The following WDR59 variants were observed in gnomAD, a reference collection of about 807,000 sequenced individuals.
WDR59 encodes the protein WD repeat domain 59.
In WDR59, 100 loss-of-function variants were observed where a neutral mutation model predicts 131.2. The observed-to-expected ratio is 0.76, with a 90% CI of 0.65 to 0.90. The LOEUF (loss-of-function observed/expected upper bound fraction) is 0.90. Among genes scored for constraint, WDR59 ranks in the 40% least tolerant of loss-of-function variants. The pLI is 0.00. For synonymous variants in WDR59, 601 were observed against 466.2 expected, an observed-to-expected ratio of 1.29 and a Z score of -3.72; for missense variants, 1,203 against 1,262.2, an observed-to-expected ratio of 0.95 and a Z score of 0.71.
intron 8 of WDR59, among the ~76,000 whole-genome samples, chr16:74,925,966 C>A (rs1331427927): frequency 5.9e-5 from 8 of 135,524 alleles, no homozygotes; most frequent in African/African-American, 1.7e-4. Flanking sequence ...GTGTGGGCAA[C>A]AGAGCACGAT....
rs1484782325 is a variant in WDR59 at position 74,886,382 on chromosome 16, C to G, written c.2434G>C (p.Glu812Gln). ...TCTCCCCAAGGGGAGGACAAGTGCTCTGCCTCTCTTCCCGCTGAAGAAAAT... is the reference window on the plus strand; with the variant it reads ...TCTCCCCAAGGGGAGGACAAGTGCTGTGCCTCTCTTCCCGCTGAAGAAAAT... Reference protein sequence around the residue: ...GGWNIAGREAEHLSSPWGESS... With the variant: ...GGWNIAGREAQHLSSPWGESS... Residue 812 changes from glutamate to glutamine, a missense_variant, in exon 24 of 26, where the codon GAG becomes CAG. Glu to Gln is a conservative substitution (Grantham distance 29, BLOSUM62 2). Transcript: ENST00000262144. 6 of 1,613,038 alleles carry G rather than the reference C, an allele frequency of 3.7e-6. No homozygotes were observed. The highest frequency in any genetic ancestry group is 5.1e-6 in the Non-Finnish European group (6 of 1,179,798).
chr16:74,956,641 T>G, intron 2 of WDR59, 31 bp from the exon 3 acceptor site: 2 of 1,602,910 alleles, frequency 1.2e-6, no homozygotes, highest in Non-Finnish European at 1.7e-6. Context: ...TATAATAGTA[T>G]AAAAACACAA....
intron 3 of WDR59, among the ~76,000 whole-genome samples, chr16:74,954,585 G>C (rs2033187829): frequency 6.6e-6 from 1 of 152,120 alleles, no homozygotes. Context: ...GAAATAGTTT[G>C]GTGGTTCCCT....
intron 1 of WDR59, among the ~76,000 whole-genome samples, chr16:74,967,660 A>G (rs1369637589): frequency 6.6e-6 from 1 of 152,106 alleles, no homozygotes; most frequent in Non-Finnish European, 1.5e-5. Context: ...GAAGTTCGAG[A>G]CCAGCCTGGC....
Position 74,901,952 on chromosome 16 carries a change from T to G in WDR59, c.1866+1995A>C, listed in dbSNP as rs78082759. 2.7e-3 allele frequency among the ~76,000 whole-genome samples: 416 copies of G among 152,314 alleles called. 18 individuals carry two copies. In the East Asian group the frequency reaches 0.072, roughly 26 times the overall value. ...TATGTCAAATTCATCACAAAATGAC[T>G]GACTTATTCATTTTTATCTTGTTAA... On this transcript the variant is annotated intron_variant, in intron 18 of 25. Coordinates refer to ENST00000262144, the MANE Select transcript of WDR59 (RefSeq NM_030581.4).
intron 5 of WDR59, 52 bp from the exon 6 acceptor site, chr16:74,948,608 C>A: frequency 6.9e-7 from 1 of 1,450,644 alleles, no homozygotes; most frequent in Non-Finnish European, 9.7e-7. Flanking sequence ...CCACCACCCA[C>A]CTGGTATTTT....
intron 9 of WDR59, among the ~76,000 whole-genome samples, chr16:74,922,855 G>A (rs546170623): frequency 2.6e-4 from 39 of 152,250 alleles, no homozygotes; most frequent in Non-Finnish European, 5.1e-4. Context: ...GCGATCCCAG[G>A]TACAAAACCA....
intron 3 of WDR59, among the ~76,000 whole-genome samples, chr16:74,953,788 T>C (rs1597789570): frequency 6.8e-6 from 1 of 148,112 alleles, no homozygotes; most frequent in African/African-American, 2.5e-5. Flanking sequence ...GATCATGAGG[T>C]GAGGAGATCG....
intron 17 of WDR59, 180 bp downstream of exon 17, chr16:74,908,728 A>G (rs759315468): frequency 2.1e-4 from 121 of 564,410 alleles, no homozygotes; most frequent in Non-Finnish European, 3.4e-4. Flanking sequence ...ACCATACAGC[A>G]GAAATCACAG....
intron 1 of WDR59, among the ~76,000 whole-genome samples, chr16:74,980,123 T>C (rs2034344042): frequency 6.6e-6 from 1 of 151,574 alleles, no homozygotes; most frequent in Non-Finnish European, 1.5e-5. Context: ...CCTCCCAAAG[T>C]GCTGGAGTTA....
intron 18 of WDR59, chr16:74,899,759 G>A (rs1291450700): frequency 7.8e-7 from 1 of 1,289,118 alleles, no homozygotes; most frequent in South Asian, 1.2e-5. Flanking sequence ...AGACATCTGT[G>A]CATGAAAACG....
At chr16:74,899,842 C>T in intron 18 of WDR59, 3 of 976,858 alleles carry the variant, frequency 3.1e-6, no homozygotes, top group Non-Finnish European at 4.2e-6. Flanking sequence ...ATGAAAGCTT[C>T]CCACACATCC....
intron 25 of WDR59, among the ~76,000 whole-genome samples, chr16:74,884,027 G>A (rs1043242749): frequency 2.6e-5 from 4 of 152,196 alleles, no homozygotes; most frequent in African/African-American, 9.7e-5. Flanking sequence ...AGTTGCTCAT[G>A]CTGGAAATCT....
intron 2 of WDR59, among the ~76,000 whole-genome samples, chr16:74,960,918 T>G (rs561553886): frequency 6.6e-6 from 1 of 152,096 alleles, no homozygotes; most frequent in African/African-American, 2.4e-5. Flanking sequence ...TTAATCAGAA[T>G]GGTGATTACA....
At chr16:74,935,786 C>G (rs2031749790) in intron 8 of WDR59, among the ~76,000 whole-genome samples, 1 of 151,982 alleles carries the variant, frequency 6.6e-6, no homozygotes, top group East Asian at 1.9e-4. Flanking sequence ...AGCACAAGGT[C>G]AAGAGATTGA....
chr16:74,906,323 A>AAAAAAAAAAAAC (rs1337446850), intron 17 of WDR59, among the ~76,000 whole-genome samples: 1 of 147,406 alleles, frequency 6.8e-6, no homozygotes, highest in African/African-American at 2.5e-5. Flanking sequence ...CAAAAAAAAA[A>AAAAAAAAAAAAC]AAACCCACAG....
chr16:74,929,221 C>T (rs1198922445), intron 8 of WDR59, among the ~76,000 whole-genome samples: 1 of 152,168 alleles, frequency 6.6e-6, no homozygotes, highest in Non-Finnish European at 1.5e-5. Context: ...ACTACAGGCG[C>T]CCGCCACCAT....
At chr16:74,952,150 A>G (rs1449540296) in intron 3 of WDR59, among the ~76,000 whole-genome samples, 3 of 152,054 alleles carry the variant, frequency 2.0e-5, no homozygotes, top group Non-Finnish European at 4.4e-5. Flanking sequence ...TTAAAAACAT[A>G]GGTGCATAAG....
At chr16:74,949,458 G>GAGGGAGGGAAGC (rs1211916971) in intron 5 of WDR59, among the ~76,000 whole-genome samples, 2 of 149,028 alleles carry the variant, frequency 1.3e-5, no homozygotes, top group African/African-American at 4.9e-5. Flanking sequence ...GGGAGGGAAG[G>GAGGGAGGGAAGC]AGAGAGGGAG....
Sources: allele counts gnomAD v4.1 joint callset (sites outside exome capture counted in the v4.1 genomes callset), GRCh38; gene constraint gnomAD v4.1.1; transcripts MANE v1.5; gene names NCBI Gene and HGNC (gene_info 2026-07-23, HGNC 2026-07-21).